Variants in SCMH1 observed in about 807,000 individuals in gnomAD.
SCMH1 encodes the protein Scm polycomb group protein homolog 1, also known as polycomb protein SCMH1.
In SCMH1, 37 loss-of-function variants were observed where a neutral mutation model predicts 70.8. That is an observed-to-expected ratio of 0.52 (90% CI 0.40 to 0.69). The LOEUF (loss-of-function observed/expected upper bound fraction) is 0.69, where lower values mean the gene tolerates loss of function less well. Ranked by LOEUF, SCMH1 falls within the 30% of genes least tolerant of loss-of-function variation. The pLI is 0.00. For synonymous variants in SCMH1, 292 were observed against 307.4 expected (o/e 0.95, Z 0.52); for missense variants, 607 against 827.3 (o/e 0.73, Z 3.27).
At chr1:41,069,531 T>G (rs1655765489) in intron 10 of SCMH1, among the ~76,000 whole-genome samples, 1 of 152,224 alleles carries the variant, frequency 6.6e-6, no homozygotes, top group South Asian at 2.1e-4. Context: ...TCAAAATACC[T>G]TTTAAAAAGT....
At chr1:41,197,077 A>G (rs983593328) in intron 1 of SCMH1, among the ~76,000 whole-genome samples, 1 of 152,210 alleles carries the variant, frequency 6.6e-6, no homozygotes. Flanking sequence ...GAAAATTGCA[A>G]CCATCATGCA....
intron 1 of SCMH1, among the ~76,000 whole-genome samples, chr1:41,212,103 G>A (rs565737238): frequency 6.6e-6 from 1 of 152,278 alleles, no homozygotes; most frequent in East Asian, 1.9e-4. Flanking sequence ...CATGGCACAT[G>A]TATACCTATG....
chr1:41,091,162 C>T (rs1663368503), intron 8 of SCMH1, among the ~76,000 whole-genome samples: 1 of 152,042 alleles, frequency 6.6e-6, no homozygotes, highest in Non-Finnish European at 1.5e-5. Context: ...CCGAATCCAG[C>T]AGCATGTCAA....
chr1:41,237,351 G>T (rs1343205912), intron 1 of SCMH1, among the ~76,000 whole-genome samples: 2 of 152,152 alleles, frequency 1.3e-5, no homozygotes, highest in Non-Finnish European at 2.9e-5. Flanking sequence ...ACAAATCTTA[G>T]ATTTTTTTAA....
intron 8 of SCMH1, among the ~76,000 whole-genome samples, chr1:41,097,016 C>T (rs1665264200): frequency 6.6e-6 from 1 of 152,070 alleles, no homozygotes; most frequent in Non-Finnish European, 1.5e-5. Context: ...TGCAATATGT[C>T]TAAGTATACA....
chr1:41,157,020 A>G (rs1380563461), intron 4 of SCMH1, among the ~76,000 whole-genome samples: 2 of 149,148 alleles, frequency 1.3e-5, no homozygotes, highest in Non-Finnish European at 3.0e-5. Context: ...GTGGTGGCAC[A>G]ATCATATCTC....
At chr1:41,129,336 T>C (rs769895984) in intron 6 of SCMH1, among the ~76,000 whole-genome samples, 2 of 152,160 alleles carry the variant, frequency 1.3e-5, no homozygotes, top group Non-Finnish European at 2.9e-5. Flanking sequence ...TGAAACTCTG[T>C]ACCTATTATC....
intron 1 of SCMH1, among the ~76,000 whole-genome samples, chr1:41,225,665 G>A (rs560831817): frequency 4.6e-5 from 7 of 152,178 alleles, no homozygotes; most frequent in Admixed American, 2.0e-4. Context: ...TCCCAGAGAG[G>A]AAAGTTTAGT....
At chr1:41,179,125 C>A (rs1161195725) in intron 2 of SCMH1, among the ~76,000 whole-genome samples, 2 of 152,140 alleles carry the variant, frequency 1.3e-5, no homozygotes, top group Non-Finnish European at 2.9e-5. Context: ...CAACCTGCTC[C>A]TGAATGACTA....
chr1:41,174,542 C>T (rs1251711533), intron 2 of SCMH1, among the ~76,000 whole-genome samples: 2 of 152,064 alleles, frequency 1.3e-5, no homozygotes, highest in East Asian at 1.9e-4. Flanking sequence ...ATGGGCCAAA[C>T]CTTTGGGTCA....
intron 8 of SCMH1, among the ~76,000 whole-genome samples, chr1:41,087,010 A>G (rs1661900801): frequency 6.6e-6 from 1 of 152,142 alleles, no homozygotes; most frequent in Non-Finnish European, 1.5e-5. Context: ...AGCTTCTATT[A>G]TGAAAACTGT....
At chr1:41,096,435 C>A (rs1220612379) in intron 8 of SCMH1, among the ~76,000 whole-genome samples, 3 of 152,226 alleles carry the variant, frequency 2.0e-5, no homozygotes, top group Admixed American at 1.3e-4. Context: ...ATAGTACTTA[C>A]CTACAGATTA....
At chr1:41,125,212 C>T (rs1672883057) in intron 6 of SCMH1, among the ~76,000 whole-genome samples, 1 of 151,486 alleles carries the variant, frequency 6.6e-6, no homozygotes, top group South Asian at 2.1e-4. Flanking sequence ...AATTTTCTCT[C>T]ATTCCTTCTA....
intron 2 of SCMH1, among the ~76,000 whole-genome samples, chr1:41,171,893 A>G (rs530927248): frequency 6.6e-6 from 1 of 152,310 alleles, no homozygotes; most frequent in South Asian, 2.1e-4. Flanking sequence ...AGCAAAAGCA[A>G]TATTAAGAGG....
At chr1:41,117,035 G>A in intron 6 of SCMH1, 25 bp from the exon 7 acceptor site, 1 of 1,583,984 alleles carries the variant, frequency 6.3e-7, no homozygotes, top group Non-Finnish European at 8.6e-7. Flanking sequence ...ATGGGCAACA[G>A]ATTAAAAGTA....
intron 2 of SCMH1, among the ~76,000 whole-genome samples, chr1:41,166,196 A>G (rs1245769325): frequency 6.6e-6 from 1 of 152,072 alleles, no homozygotes; most frequent in Non-Finnish European, 1.5e-5. Context: ...TTTCATTGGT[A>G]GACTTGTCTG....
intron 10 of SCMH1, among the ~76,000 whole-genome samples, chr1:41,069,438 C>G (rs1012483822): frequency 2.6e-5 from 4 of 152,100 alleles, no homozygotes; most frequent in Non-Finnish European, 4.4e-5. Context: ...CAGGGGGATA[C>G]GAGGTATGTT....
At chr1:41,047,697 T>C (rs1647031324) in intron 11 of SCMH1, among the ~76,000 whole-genome samples, 1 of 152,102 alleles carries the variant, frequency 6.6e-6, no homozygotes, top group Admixed American at 6.5e-5. Context: ...CCACCGCACC[T>C]GGCCAATTCC....
intron 1 of SCMH1, among the ~76,000 whole-genome samples, chr1:41,235,502 T>A (rs1425430114): frequency 7.5e-6 from 1 of 133,214 alleles, no homozygotes; most frequent in East Asian, 2.2e-4. Flanking sequence ...ACCCAGGAAG[T>A]GCAGGTTGCA....
Sources: gnomAD v4.1 joint callset for allele counts (sites outside exome capture counted in the v4.1 genomes callset) on GRCh38, gnomAD v4.1.1 for gene constraint, MANE v1.5 for transcripts, NCBI Gene and HGNC (gene_info 2026-07-23, HGNC 2026-07-21) for gene names.